Variants in RORA observed in about 807,000 individuals in gnomAD.
RORA encodes the protein RAR related orphan receptor A, also known as nuclear receptor ROR-alpha.
Under a neutral mutation model 69.5 loss-of-function variants are expected in RORA, and 7 were observed. The observed-to-expected ratio is 0.10, with a 90% CI of 0.06 to 0.19. The LOEUF (loss-of-function observed/expected upper bound fraction) is 0.19. Ranked by LOEUF, RORA falls within the 10% of genes least tolerant of loss-of-function variation. The pLI is 1.00. For synonymous variants in RORA, 261 were observed against 240.8 expected, an observed-to-expected ratio of 1.08 and a Z score of -0.78; for missense variants, 457 against 663.0, an observed-to-expected ratio of 0.69 and a Z score of 3.41.
intron 2 of RORA, among the ~76,000 whole-genome samples, chr15:60,591,544 C>T (rs1436357358): frequency 6.6e-6 from 1 of 152,078 alleles, no homozygotes; most frequent in Admixed American, 6.5e-5. Flanking sequence ...CTACGGAGTC[C>T]TGATGAGGGC....
At chr15:60,731,645 A>G (rs75877755) in intron 1 of RORA, among the ~76,000 whole-genome samples, 3,178 of 152,334 alleles carry the variant, frequency 0.021, 125 homozygotes, top group African/African-American at 0.073. Flanking sequence ...GAACAGAGGA[A>G]GCAAGTAGAG....
chr15:60,834,714 T>A (rs1267380678), intron 1 of RORA, among the ~76,000 whole-genome samples: 1 of 152,120 alleles, frequency 6.6e-6, no homozygotes, highest in Non-Finnish European at 1.5e-5. Context: ...CCTACTTCCA[T>A]CCCCCGATGA....
At chr15:60,947,952 C>T (rs568727825) in intron 1 of RORA, among the ~76,000 whole-genome samples, 1 of 152,152 alleles carries the variant, frequency 6.6e-6, no homozygotes, top group Non-Finnish European at 1.5e-5. Flanking sequence ...GACAACAACA[C>T]CACCCCTATG....
chr15:60,875,567 C>G (rs551315263), intron 1 of RORA, among the ~76,000 whole-genome samples: 36 of 152,276 alleles, frequency 2.4e-4, no homozygotes, highest in Non-Finnish European at 3.5e-4. Context: ...TAGCAGGACT[C>G]ACTCAGTTCA....
At chr15:60,569,169 C>T (rs16942767) in intron 2 of RORA, among the ~76,000 whole-genome samples, 7,282 of 149,772 alleles carry the variant, frequency 0.049, 218 homozygotes, top group East Asian at 0.14. Context: ...CACTCCTTCT[C>T]AAAAGAAACC....
At chr15:61,214,603 G>A (rs950200126) in intron 1 of RORA, among the ~76,000 whole-genome samples, 30 of 152,184 alleles carry the variant, frequency 2.0e-4, no homozygotes, top group Admixed American at 3.9e-4. Context: ...TCCAAAAGCG[G>A]GGGCAGGTGA....
At chr15:60,913,723 A>T (rs1566907390) in intron 1 of RORA, among the ~76,000 whole-genome samples, 1 of 152,234 alleles carries the variant, frequency 6.6e-6, no homozygotes, top group Non-Finnish European at 1.5e-5. Context: ...GGATGACTAT[A>T]GAATCTGCTT....
At chr15:60,529,228 T>C (rs1380531908) in intron 3 of RORA, 1 of 152,242 alleles carries the variant, frequency 6.6e-6, no homozygotes, top group Non-Finnish European at 1.5e-5. Context: ...ATATGTCTAA[T>C]GTGAAATTTT....
At chr15:60,827,762 C>T (rs1013116558) in intron 1 of RORA, among the ~76,000 whole-genome samples, 9 of 152,194 alleles carry the variant, frequency 5.9e-5, no homozygotes, top group Admixed American at 3.3e-4. Flanking sequence ...GTTTGCTCCG[C>T]GTGAGCCTGG....
intron 2 of RORA, among the ~76,000 whole-genome samples, chr15:60,583,463 G>A (rs1288758984): frequency 3.3e-5 from 5 of 152,242 alleles, no homozygotes; most frequent in Non-Finnish European, 5.9e-5. Context: ...AGTGGTCACA[G>A]TATTGGCAAG....
chr15:61,051,522 C>T (rs888144935), intron 1 of RORA, among the ~76,000 whole-genome samples: 1 of 152,192 alleles, frequency 6.6e-6, no homozygotes, highest in African/African-American at 2.4e-5. Context: ...GAATCCTCCA[C>T]TTGACCTGAA....
At chr15:61,211,423 A>T (rs946040803) in intron 1 of RORA, among the ~76,000 whole-genome samples, 1 of 152,202 alleles carries the variant, frequency 6.6e-6, no homozygotes, top group African/African-American at 2.4e-5. Context: ...TTTAGAAGAC[A>T]CTGGCATCCC....
chr15:60,503,468 A>G (rs1241669318), intron 7 of RORA, 67 bp downstream of exon 7: 4 of 1,541,176 alleles, frequency 2.6e-6, no homozygotes, highest in African/African-American at 1.4e-5. Context: ...CTTACCAAGC[A>G]TTTCTTTAAT....
At chr15:61,085,430 T>C (rs1289755482) in intron 1 of RORA, among the ~76,000 whole-genome samples, 1 of 152,210 alleles carries the variant, frequency 6.6e-6, no homozygotes, top group African/African-American at 2.4e-5. Flanking sequence ...GGATGATGAA[T>C]CAAGCGGTAC....
chr15:60,799,322 T>C (rs2072545291), intron 1 of RORA, among the ~76,000 whole-genome samples: 1 of 152,154 alleles, frequency 6.6e-6, no homozygotes, highest in African/African-American at 2.4e-5. Flanking sequence ...GACAGACTGA[T>C]GAGGAATTCA....
intron 1 of RORA, among the ~76,000 whole-genome samples, chr15:60,694,816 C>T (rs893060610): frequency 2.0e-5 from 3 of 152,166 alleles, no homozygotes; most frequent in African/African-American, 7.2e-5. Flanking sequence ...CTTTAGTTAC[C>T]TCTAATTTCA....
chr15:61,085,262 C>G (rs1475210263), intron 1 of RORA, among the ~76,000 whole-genome samples: 1 of 152,200 alleles, frequency 6.6e-6, no homozygotes, highest in East Asian at 1.9e-4. Flanking sequence ...GACATCCCCA[C>G]AGCATACCTG....
chr15:60,986,607 C>T (rs1187012639), intron 1 of RORA, among the ~76,000 whole-genome samples: 1 of 152,190 alleles, frequency 6.6e-6, no homozygotes, highest in African/African-American at 2.4e-5. Flanking sequence ...ACAAGGTTAT[C>T]AGGGACAGGG....
intron 2 of RORA, among the ~76,000 whole-genome samples, chr15:60,594,122 G>A (rs2068615885): frequency 1.3e-5 from 2 of 152,050 alleles, no homozygotes; most frequent in African/African-American, 4.8e-5. Context: ...ACAAAGAAAA[G>A]AAATTATAAA....
Sources: allele counts gnomAD v4.1 joint callset (sites outside exome capture counted in the v4.1 genomes callset), GRCh38; gene constraint gnomAD v4.1.1; transcripts MANE v1.5; gene names NCBI Gene and HGNC (gene_info 2026-07-23, HGNC 2026-07-21).